PEX14: variants seen among roughly 807,000 people sequenced by gnomAD.
PEX14 encodes the protein peroxisomal biogenesis factor 14.
In PEX14, 15 loss-of-function variants were observed where a neutral mutation model predicts 49.5. The ratio of observed to expected loss-of-function variants is 0.30; its 90% CI spans 0.20 to 0.47. The LOEUF is 0.47. Among genes scored for constraint, PEX14 ranks in the 20% least tolerant of loss-of-function variants. PEX14 has a pLI of 1.00. For missense variants in PEX14, 398 were observed against 494.8 expected (o/e 0.80, Z 1.86); for synonymous variants, 210 against 212.7 (o/e 0.99, Z 0.11).
chr1:10,613,759 T>G lies in PEX14; in HGVS notation c.299-4573T>G, dbSNP rs1466026881. ...GCTTGATAAGAAGAGAAAAATGTCC[T>G]TGGAACCCCCCTGGCTGGTGGTGGC... is the stretch of plus-strand genomic sequence containing the variant. On this transcript the variant is annotated intron_variant, in intron 4 of 8. Coordinates refer to ENST00000356607, the MANE Select transcript of PEX14 (RefSeq NM_004565.3). The surrounding 1 kb of genome is among the most constrained non-coding windows in gnomAD (Gnocchi z 5.0). Among the ~76,000 whole-genome samples, 1 of 152,186 alleles carries G rather than the reference T, an allele frequency of 6.6e-6. No individual in the cohort carries two copies. Among genetic ancestry groups the G allele is most frequent in the African/African-American group, 2.4e-5 (1 of 41,448 alleles).
intron 3 of PEX14, among the ~76,000 whole-genome samples, chr1:10,564,904 CTTT>C (rs57411640): frequency 1.6e-5 from 2 of 125,530 alleles, no homozygotes; most frequent in Non-Finnish European, 3.2e-5. Flanking sequence ...TTTTGTATAT[CTTT>C]TTTTTTTTTT....
intron 3 of PEX14, among the ~76,000 whole-genome samples, chr1:10,595,247 G>T (rs1413715431): frequency 2.0e-5 from 3 of 152,148 alleles, no homozygotes; most frequent in Non-Finnish European, 4.4e-5. Context: ...TGCATATCAG[G>T]TAACTATGAT....
Position 10,623,213 on chromosome 1 carries a change from A to T in PEX14, c.487+92A>T. 1.3e-6 allele frequency: 1 copy of T among 790,390 alleles called. No individual in the cohort carries two copies. The highest frequency in any genetic ancestry group is 2.6e-5 in the East Asian group (1 of 38,428). 49.0% of individuals were successfully genotyped at this position (790,390 alleles called of 1,614,324 possible). Reference sequence around the variant, plus strand: ...TCCCCTCTCCCTCTGTCTCCACTCTATGTGGTGACTTCATTTATCTGCTCT... The same window carrying T: ...TCCCCTCTCCCTCTGTCTCCACTCTTTGTGGTGACTTCATTTATCTGCTCT... On this transcript the variant is annotated intron_variant, in intron 6 of 8. Transcript: ENST00000356607. The surrounding 1 kb of genome is among the most constrained non-coding windows in gnomAD (Gnocchi z 4.4).
At chr1:10,591,822 G>A (rs548624868) in intron 3 of PEX14, among the ~76,000 whole-genome samples, 12 of 152,262 alleles carry the variant, frequency 7.9e-5, no homozygotes, top group African/African-American at 2.9e-4. Context: ...AGGTATGTCA[G>A]GCTGCCCATG....
At chr1:10,587,650 A>G (rs1049612642) in intron 3 of PEX14, among the ~76,000 whole-genome samples, 11 of 152,246 alleles carry the variant, frequency 7.2e-5, no homozygotes, top group Admixed American at 2.0e-4. Flanking sequence ...TACAAGTGGT[A>G]TATTCAAGGT....
intron 2 of PEX14, among the ~76,000 whole-genome samples, chr1:10,534,919 T>A (rs1322483412): frequency 1.3e-5 from 2 of 152,236 alleles, no homozygotes; most frequent in African/African-American, 4.8e-5. Flanking sequence ...AAAGTCTGTC[T>A]GGTCTCAGGA....
chr1:10,540,373 A>T (rs1033442957), intron 3 of PEX14, among the ~76,000 whole-genome samples: 6 of 152,170 alleles, frequency 3.9e-5, no homozygotes, highest in African/African-American at 1.4e-4. Flanking sequence ...ATGTCCTTGA[A>T]TGGAATCTCG....
In PEX14 at chr1:10,599,262, T is replaced by G; in HGVS notation, c.194T>G (p.Met65Arg). 6.2e-7 allele frequency: 1 copy of G among 1,614,180 alleles called. No individual in the cohort carries two copies. Among genetic ancestry groups the G allele is most frequent in the East Asian group, 2.2e-5 (1 of 44,890 alleles). Residue 65 changes from methionine (M) to arginine (R), a missense_variant, in exon 4 of 9, where the codon ATG (methionine) becomes AGG (arginine). Transcript: ENST00000356607. ...GGGCTGACAGATGAAGAGATTGATA[T>G]GGCCTTCCAGCAGTCGGGCACTGCT... ...KKGLTDEEID[M>R]AFQQSGTAAD... is the part of the protein sequence containing the mutation.
chr1:10,489,923 TTTTA>T (rs1428983017), intron 1 of PEX14, among the ~76,000 whole-genome samples: 4 of 152,198 alleles, frequency 2.6e-5, no homozygotes, highest in Non-Finnish European at 4.4e-5. Flanking sequence ...CACACAGTGG[TTTTA>T]TTTATTTGGC....
chr1:10,485,893 T>C lies in PEX14; in HGVS notation c.37-9381T>C, dbSNP rs140443682. ...GTCTCAGACTCCCTAGTAGCTGAGA[T>C]TGCAGACGCCCGCCACCACGCCTGG... On this transcript the variant is annotated intron_variant, in intron 1 of 8. Coordinates refer to ENST00000356607, the MANE Select transcript of PEX14 (RefSeq NM_004565.3). Among the ~76,000 whole-genome samples, 824 of 149,704 alleles carry C rather than the reference T, an allele frequency of 5.5e-3. 7 individuals are homozygous for C. Among genetic ancestry groups the C allele is most frequent in the Non-Finnish European group, 6.6e-3 (445 of 67,922 alleles).
intron 4 of PEX14, among the ~76,000 whole-genome samples, chr1:10,616,089 C>T (rs1490689188): frequency 2.0e-5 from 3 of 152,118 alleles, no homozygotes; most frequent in East Asian, 3.9e-4. Context: ...GCATGGAATC[C>T]GCAGGCAGGG....
chr1:10,502,653 C>T (rs1412426008), intron 2 of PEX14, among the ~76,000 whole-genome samples: 1 of 152,070 alleles, frequency 6.6e-6, no homozygotes, highest in Non-Finnish European at 1.5e-5. Flanking sequence ...TTTATATTTG[C>T]TGTTGTTCCT....
At chr1:10,595,305 C>G (rs768675146) in intron 3 of PEX14, among the ~76,000 whole-genome samples, 1 of 152,210 alleles carries the variant, frequency 6.6e-6, no homozygotes, top group Non-Finnish European at 1.5e-5. Context: ...AGCCCAGACC[C>G]TCTTCGCCTC....
rs1460783817 is a variant in PEX14 at position 10,518,299 on chromosome 1, T to TC, written c.85-17909dup. On this transcript the variant is annotated intron_variant, in intron 2 of 8. Coordinates refer to ENST00000356607, the MANE Select transcript of PEX14 (RefSeq NM_004565.3). ...GATGAATAGAGGTCTACTCCCTGCC[T>TC]CCCCCGGGTGGTGGGCAGGGGTGCT... Among the ~76,000 whole-genome samples, 8 of 152,022 alleles carry TC rather than the reference T, an allele frequency of 5.3e-5. No homozygotes were observed. The East Asian group carries it at 1.5e-3, about 29-fold the overall frequency.
In PEX14 at chr1:10,477,826, C is replaced by T. The variant is rs554733980; in HGVS notation, c.36+2824C>T. Among the ~76,000 whole-genome samples, 7 of 152,278 alleles carry T rather than the reference C, an allele frequency of 4.6e-5. No individual in the cohort carries two copies. In the South Asian group the frequency reaches 1.5e-3, roughly 32 times the overall value. The stretch of plus-strand genomic sequence containing the variant: ...TTTCTAGACTTAATTTCTCCATGTG[C>T]AAAACAGGGAAAATACTAGGACCTA... On this transcript the variant is annotated intron_variant, in intron 1 of 8. Transcript: ENST00000356607.
At chr1:10,617,859 C>G (rs1375456979) in intron 4 of PEX14, among the ~76,000 whole-genome samples, 1 of 152,126 alleles carries the variant, frequency 6.6e-6, no homozygotes, top group Non-Finnish European at 1.5e-5. Flanking sequence ...CCCAGCGTAC[C>G]ACGGTCCCCC....
intron 2 of PEX14, among the ~76,000 whole-genome samples, chr1:10,531,865 CT>C (rs1638659277): frequency 6.6e-6 from 1 of 152,136 alleles, no homozygotes. Flanking sequence ...CTCTGTCCTC[CT>C]GTCCCCCTCG....
chr1:10,558,857 C>T (rs1035245690), intron 3 of PEX14, among the ~76,000 whole-genome samples: 2 of 152,250 alleles, frequency 1.3e-5, no homozygotes, highest in Admixed American at 1.3e-4. Context: ...TGTAATGCCC[C>T]TCACTGATGG....
intron 3 of PEX14, among the ~76,000 whole-genome samples, chr1:10,570,269 C>T (rs1354364215): frequency 1.3e-5 from 2 of 151,690 alleles, no homozygotes; most frequent in African/African-American, 4.8e-5. Context: ...TGCAACATTA[C>T]TTCTTTTCCT....
Sources: allele counts gnomAD v4.1 joint callset (sites outside exome capture counted in the v4.1 genomes callset), GRCh38; gene constraint gnomAD v4.1.1; non-coding constraint Gnocchi (gnomAD v3.1); transcripts MANE v1.5; gene names NCBI Gene and HGNC (gene_info 2026-07-23, HGNC 2026-07-21).